The following KCNIP1 variants were observed in gnomAD, a reference collection of about 807,000 sequenced individuals.
The protein encoded by KCNIP1 is potassium voltage-gated channel interacting protein 1, also known as A-type potassium channel modulatory protein KCNIP1.
KCNIP1 carries 18 observed loss-of-function variants against 33.0 expected under a neutral mutation model. The observed-to-expected ratio is 0.55, with a 90% CI of 0.38 to 0.81. The LOEUF (loss-of-function observed/expected upper bound fraction) is 0.81. Ranked by LOEUF, KCNIP1 falls within the 30% of genes least tolerant of loss-of-function variation. KCNIP1 has a pLI of 0.00. For synonymous variants in KCNIP1, 93 were observed against 98.3 expected (o/e 0.95, Z 0.32); for missense variants, 238 against 271.6 (o/e 0.88, Z 0.87).
At chr5:170,508,445 AG>A (rs1754800719) in intron 1 of KCNIP1, among the ~76,000 whole-genome samples, 1 of 152,198 alleles carries the variant, frequency 6.6e-6, no homozygotes, top group Non-Finnish European at 1.5e-5. Flanking sequence ...GACTGGGTTT[AG>A]GGTTTATTGG....
intron 1 of KCNIP1, among the ~76,000 whole-genome samples, chr5:170,676,080 GAGGAAGATGAAAGA>G (rs1561757910): frequency 7.0e-6 from 1 of 143,684 alleles, no homozygotes; most frequent in Non-Finnish European, 1.5e-5. Flanking sequence ...AGAAGGAAGG[GAGGAAGATGAAAGA>G]AGGAAGGGAG....
At chr5:170,593,611 G>A (rs1758341911) in intron 1 of KCNIP1, among the ~76,000 whole-genome samples, 1 of 152,182 alleles carries the variant, frequency 6.6e-6, no homozygotes, top group Admixed American at 6.5e-5. Flanking sequence ...TGAATTAGAA[G>A]TATTCAAGGG....
intron 1 of KCNIP1, among the ~76,000 whole-genome samples, chr5:170,507,645 TA>T (rs2113250530): frequency 6.6e-6 from 1 of 152,336 alleles, no homozygotes; most frequent in South Asian, 2.1e-4. Context: ...CCTGCTCAAT[TA>T]AAATCCTGAA....
At chr5:170,689,250 C>T (rs751033055) in intron 1 of KCNIP1, among the ~76,000 whole-genome samples, 3 of 152,166 alleles carry the variant, frequency 2.0e-5, no homozygotes, top group African/African-American at 4.8e-5. Flanking sequence ...GCTGGAGATA[C>T]AAAGATGCAT....
At chr5:170,571,853 C>T (rs1021368773) in intron 1 of KCNIP1, among the ~76,000 whole-genome samples, 4 of 152,248 alleles carry the variant, frequency 2.6e-5, no homozygotes, top group East Asian at 1.9e-4. Flanking sequence ...TACAAAATAC[C>T]GAAGAATATT....
At chr5:170,563,690 G>GGC (rs1757112629) in intron 1 of KCNIP1, among the ~76,000 whole-genome samples, 1 of 152,142 alleles carries the variant, frequency 6.6e-6, no homozygotes, top group Non-Finnish European at 1.5e-5. Flanking sequence ...GCCCAGGCTG[G>GGC]AGTGCAATGG....
chr5:170,735,604 A>T (rs551920577), intron 7 of KCNIP1, among the ~76,000 whole-genome samples, 155 bp from the exon 8 acceptor site: 1 of 152,144 alleles, frequency 6.6e-6, no homozygotes, highest in Non-Finnish European at 1.5e-5. Context: ...TGAACTGATC[A>T]CTTTCTAGGT....
chr5:170,444,169 G>A (rs1322283574), intron 1 of KCNIP1, among the ~76,000 whole-genome samples: 1 of 152,106 alleles, frequency 6.6e-6, no homozygotes, highest in Admixed American at 6.5e-5. Context: ...GACATTTCTG[G>A]GGGTCAGAAA....
At chr5:170,645,792 C>A (rs192582975) in intron 1 of KCNIP1, among the ~76,000 whole-genome samples, 135 of 152,024 alleles carry the variant, frequency 8.9e-4, no homozygotes, top group African/African-American at 3.2e-3. Flanking sequence ...ACAATGGAAT[C>A]AAACTAAAAA....
chr5:170,401,060 C>T (rs559059545), intron 1 of KCNIP1, among the ~76,000 whole-genome samples: 8 of 152,310 alleles, frequency 5.3e-5, no homozygotes, highest in African/African-American at 1.9e-4. Flanking sequence ...CCCCTACCAT[C>T]CTTGGACCTC....
chr5:170,488,368 A>G (rs972551356), intron 1 of KCNIP1, among the ~76,000 whole-genome samples: 2 of 152,172 alleles, frequency 1.3e-5, no homozygotes, highest in Non-Finnish European at 1.5e-5. Context: ...CCTGGTGCAG[A>G]TGAGGTCTGC....
intron 1 of KCNIP1, among the ~76,000 whole-genome samples, chr5:170,494,186 C>A (rs1757265606): frequency 1.3e-5 from 2 of 152,330 alleles, no homozygotes; most frequent in South Asian, 4.1e-4. Context: ...TGCTCATCTG[C>A]ATAGTGTCCT....
At chr5:170,594,149 T>C (rs1479311207) in intron 1 of KCNIP1, among the ~76,000 whole-genome samples, 2 of 152,198 alleles carry the variant, frequency 1.3e-5, no homozygotes, top group Admixed American at 6.5e-5. Flanking sequence ...CCCAGGACCT[T>C]TGAATATTCA....
At chr5:170,611,617 G>C (rs770059387) in intron 1 of KCNIP1, among the ~76,000 whole-genome samples, 24 of 152,164 alleles carry the variant, frequency 1.6e-4, no homozygotes, top group Non-Finnish European at 2.8e-4. Context: ...CCATAGCCTT[G>C]GCTGCCTGCC....
intron 1 of KCNIP1, among the ~76,000 whole-genome samples, chr5:170,411,249 C>T (rs1417888342): frequency 1.3e-5 from 2 of 152,224 alleles, no homozygotes; most frequent in Non-Finnish European, 2.9e-5. Context: ...CTCCTCTCCC[C>T]GCTAGGGGGC....
At chr5:170,664,391 A>G (rs949200293) in intron 1 of KCNIP1, among the ~76,000 whole-genome samples, 5 of 152,118 alleles carry the variant, frequency 3.3e-5, no homozygotes, top group African/African-American at 1.2e-4. Flanking sequence ...CCCTCTCTGC[A>G]TTATAATTCC....
intron 1 of KCNIP1, among the ~76,000 whole-genome samples, chr5:170,639,757 G>A (rs923331737): frequency 2.0e-5 from 3 of 152,120 alleles, no homozygotes. Flanking sequence ...GCTCTCCCAG[G>A]TGTAGCACTG....
At chr5:170,596,824 GGT>G in intron 1 of KCNIP1, among the ~76,000 whole-genome samples, 1 of 152,204 alleles carries the variant, frequency 6.6e-6, no homozygotes, top group Non-Finnish European at 1.5e-5. Flanking sequence ...TTGTCCAGGG[GGT>G]CCCCAACCAT....
intron 1 of KCNIP1, among the ~76,000 whole-genome samples, chr5:170,508,239 T>A (rs1754791387): frequency 1.3e-5 from 2 of 152,182 alleles, no homozygotes; most frequent in African/African-American, 4.8e-5. Context: ...GCTTCGGATC[T>A]CCAGAATAGT....
Sources: allele counts gnomAD v4.1 joint callset (sites outside exome capture counted in the v4.1 genomes callset), GRCh38; gene constraint gnomAD v4.1.1; transcripts MANE v1.5; gene names NCBI Gene and HGNC (gene_info 2026-07-23, HGNC 2026-07-21).